The following HDAC9 variants were observed in gnomAD, a reference collection of about 807,000 sequenced individuals.
HDAC9 encodes the protein MEF-2 interacting transcription repressor (MITR) protein.
A neutral mutation model predicts 139.4 loss-of-function variants in HDAC9; 41 were observed. That is an observed-to-expected ratio of 0.29 (90% confidence interval 0.23 to 0.38). The LOEUF (loss-of-function observed/expected upper bound fraction) is 0.38, where lower values mean the gene tolerates loss of function less well. Among genes scored for constraint, HDAC9 ranks in the 10% least tolerant of loss-of-function variants. The pLI, the probability that HDAC9 is intolerant of heterozygous loss-of-function variation, is 1.00. For missense variants in HDAC9, 1,147 were observed against 1,297.0 expected, an observed-to-expected ratio of 0.88 and a Z score of 1.78; for synonymous variants, 517 against 476.2, an observed-to-expected ratio of 1.09 and a Z score of -1.12.
chr7:18,928,762 C>T (rs1303947545), intron 22 of HDAC9, among the ~76,000 whole-genome samples: 2 of 151,816 alleles, frequency 1.3e-5, no homozygotes, highest in Non-Finnish European at 2.9e-5. Flanking sequence ...GTAGAATTGG[C>T]TATTTCTGGT....
chr7:18,601,479 T>C (rs958885213), intron 6 of HDAC9, among the ~76,000 whole-genome samples: 5 of 152,092 alleles, frequency 3.3e-5, no homozygotes, highest in African/African-American at 1.2e-4. Flanking sequence ...TTTCATGTCT[T>C]ATTGCACTAG....
At chr7:18,585,229 A>T in intron 2 of HDAC9, 52 bp from the exon 3 acceptor site, 1 of 1,582,866 alleles carries the variant, frequency 6.3e-7, no homozygotes, top group South Asian at 1.1e-5. Context: ...GCTAATTTCC[A>T]ATCTTCTATT....
At chr7:18,323,835 A>G (rs1010342020) in intron 1 of HDAC9, among the ~76,000 whole-genome samples, 11 of 152,010 alleles carry the variant, frequency 7.2e-5, no homozygotes, top group Non-Finnish European at 1.3e-4. Context: ...TTAACAACAT[A>G]CAGTTATTCT....
At chr7:18,161,350 A>G (rs1163202449) in intron 1 of HDAC9, among the ~76,000 whole-genome samples, 2 of 152,234 alleles carry the variant, frequency 1.3e-5, no homozygotes, top group Non-Finnish European at 2.9e-5. Flanking sequence ...TAGTGACGGA[A>G]AAACGAGTCA....
intron 6 of HDAC9, among the ~76,000 whole-genome samples, chr7:18,608,785 A>C (rs1236425113): frequency 2.0e-5 from 3 of 152,192 alleles, no homozygotes; most frequent in Non-Finnish European, 4.4e-5. Context: ...TAAGTAAAAA[A>C]GGATTTCTGA....
Position 18,904,761 on chromosome 7 carries a change from G to C in HDAC9, c.2803+30165G>C, listed in dbSNP as rs531525989. Among the ~76,000 whole-genome samples the C allele has an allele frequency of 3.3e-5, 5 of 151,770 alleles. No homozygotes were observed. The South Asian group carries it at 1.0e-3, about 32-fold the overall frequency. ...CGGCTAATTTTTTGTATTTTTAGTA[G>C]AGACGAGGTTTCACCATGTTAGCCA... On this transcript the variant is annotated intron_variant, in intron 22 of 25. Coordinates refer to ENST00000686413, the MANE Select transcript of HDAC9 (RefSeq NM_178425.4).
intron 1 of HDAC9, among the ~76,000 whole-genome samples, chr7:18,412,096 G>A (rs1318703727): frequency 6.6e-6 from 1 of 152,030 alleles, no homozygotes; most frequent in African/African-American, 2.4e-5. Flanking sequence ...CCAAAGTGCT[G>A]GGATTACAGG....
At chr7:18,226,945 T>A (rs1166589015) in intron 2 of HDAC9, among the ~76,000 whole-genome samples, 1 of 152,240 alleles carries the variant, frequency 6.6e-6, no homozygotes, top group Non-Finnish European at 1.5e-5. Flanking sequence ...ACAATCATTC[T>A]AACTGTAATT....
intron 17 of HDAC9, among the ~76,000 whole-genome samples, chr7:18,800,892 A>G (rs939125875): frequency 4.6e-5 from 7 of 152,052 alleles, no homozygotes; most frequent in Non-Finnish European, 2.9e-5. Flanking sequence ...ATATGTAGGT[A>G]ATTTGTGTTT....
At chr7:18,987,226 A>T (rs900916309) in intron 25 of HDAC9, among the ~76,000 whole-genome samples, 16 of 152,042 alleles carry the variant, frequency 1.1e-4, no homozygotes, top group Non-Finnish European at 2.4e-4. Flanking sequence ...GCTCTTATTA[A>T]TTTGGAATAC....
At chr7:18,227,703 G>A (rs974938517) in intron 2 of HDAC9, among the ~76,000 whole-genome samples, 8 of 152,052 alleles carry the variant, frequency 5.3e-5, no homozygotes, top group African/African-American at 1.7e-4. Flanking sequence ...AATGTAGCCT[G>A]CTGCCTGCTG....
intron 22 of HDAC9, among the ~76,000 whole-genome samples, chr7:18,887,094 A>G (rs1375885788): frequency 6.6e-6 from 1 of 152,172 alleles, no homozygotes; most frequent in Admixed American, 6.5e-5. Flanking sequence ...TAATCAAGGA[A>G]ATCTTGGGGA....
chr7:18,217,652 C>G (rs1356798833), intron 2 of HDAC9, among the ~76,000 whole-genome samples: 2 of 152,130 alleles, frequency 1.3e-5, no homozygotes, highest in Non-Finnish European at 2.9e-5. Flanking sequence ...AATTGAAACA[C>G]TGGAATTAAT....
At chr7:18,704,445 A>G (rs753154875) in intron 12 of HDAC9, among the ~76,000 whole-genome samples, 3 of 151,886 alleles carry the variant, frequency 2.0e-5, no homozygotes, top group Non-Finnish European at 3.0e-5. Flanking sequence ...CCCATATTTT[A>G]AGAAGCCATT....
chr7:18,950,068 GAGGTCT>G (rs1264057327), intron 23 of HDAC9, among the ~76,000 whole-genome samples: 1 of 152,038 alleles, frequency 6.6e-6, no homozygotes, highest in Non-Finnish European at 1.5e-5. Context: ...TTATGGATTA[GAGGTCT>G]AGGTATTGAG....
Position 18,629,438 on chromosome 7 carries a change from A to G in HDAC9, c.753A>G (p.Gly251=), listed in dbSNP as rs1781659006. 1 of 1,612,296 alleles carries G rather than the reference A, an allele frequency of 6.2e-7. No individual in the cohort carries two copies. The highest frequency in any genetic ancestry group is 1.1e-5 in the South Asian group (1 of 90,948). The change falls in exon 7 of 26, where the codon GGA becomes GGG. Residue 251 remains glycine (G), a synonymous_variant. Coordinates refer to ENST00000686413, the MANE Select transcript of HDAC9 (RefSeq NM_178425.4). ...RSSPLLRRKD[G]NVVTSFKKRM... is the part of the protein sequence containing the mutation. Reference sequence around the variant, plus strand: ...GCCCCTTACTCAGGCGGAAGGATGGAAATGTTGTCACTTCATTCAAGAAGC... The same window carrying G: ...GCCCCTTACTCAGGCGGAAGGATGGGAATGTTGTCACTTCATTCAAGAAGC...
chr7:18,109,965 C>G (rs1005633266), intron 1 of HDAC9, among the ~76,000 whole-genome samples: 6 of 152,156 alleles, frequency 3.9e-5, no homozygotes, highest in African/African-American at 9.7e-5. Context: ...ATTGCTCACC[C>G]CATGATTTCT....
At chr7:18,793,971 C>T (rs564098872) in intron 17 of HDAC9, among the ~76,000 whole-genome samples, 1 of 152,222 alleles carries the variant, frequency 6.6e-6, no homozygotes, top group Admixed American at 6.5e-5. Flanking sequence ...ATGAGCTATG[C>T]TTTATTGTTC....
intron 21 of HDAC9, among the ~76,000 whole-genome samples, chr7:18,854,150 G>T (rs1238295778): frequency 6.6e-6 from 1 of 152,112 alleles, no homozygotes; most frequent in Non-Finnish European, 1.5e-5. Flanking sequence ...TATGTGGGAA[G>T]ACTTCACCAG....
Sources: allele counts gnomAD v4.1 joint callset (sites outside exome capture counted in the v4.1 genomes callset), GRCh38; gene constraint gnomAD v4.1.1; transcripts MANE v1.5; gene names NCBI Gene and HGNC (gene_info 2026-07-23, HGNC 2026-07-21).